TENM3: variants seen among roughly 807,000 people sequenced by gnomAD.
The protein encoded by TENM3 is teneurin-3.
In TENM3, 63 loss-of-function variants were observed where a neutral mutation model predicts 255.1. That is an observed-to-expected ratio of 0.25 (90% confidence interval 0.20 to 0.30). The LOEUF (loss-of-function observed/expected upper bound fraction) is 0.30. Among genes scored for constraint, TENM3 ranks in the 10% least tolerant of loss-of-function variants. The pLI is 1.00. For missense variants in TENM3, 2,929 were observed against 3,461.1 expected (o/e 0.85, Z 3.86); for synonymous variants, 1,306 against 1,322.3 (o/e 0.99, Z 0.27).
the TENM3 span, among the ~76,000 whole-genome samples, chr4:181,508,812 GC>G: frequency 6.7e-6 from 1 of 149,540 alleles, no homozygotes; most frequent in East Asian, 2.0e-4. Flanking sequence ...ATCCGTCACT[GC>G]TTGATGTTAA....
chr4:182,253,377 G>A (rs1758162647), intron 1 of TENM3, among the ~76,000 whole-genome samples: 1 of 152,204 alleles, frequency 6.6e-6, no homozygotes, highest in African/African-American at 2.4e-5. Flanking sequence ...GGAGGCTGAA[G>A]CAGGAGAATC....
intron 24 of TENM3, among the ~76,000 whole-genome samples, chr4:182,786,321 C>T (rs886338338): frequency 3.9e-5 from 6 of 152,048 alleles, no homozygotes; most frequent in South Asian, 4.2e-4. Flanking sequence ...CTTTGGGAAG[C>T]GGAGGCGGGT....
chr4:182,673,326 G>T, intron 7 of TENM3, 107 bp downstream of exon 7: 1 of 728,398 alleles, frequency 1.4e-6, no homozygotes, highest in East Asian at 2.7e-5. Flanking sequence ...GACGACTTTT[G>T]AATCGACTTT....
intron 12 of TENM3, among the ~76,000 whole-genome samples, chr4:182,704,280 G>T (rs538335506): frequency 2.6e-5 from 4 of 152,086 alleles, no homozygotes; most frequent in Non-Finnish European, 5.9e-5. Flanking sequence ...CACCACACAA[G>T]GCATCTCTTT....
the TENM3 span, among the ~76,000 whole-genome samples, chr4:181,890,738 C>A: frequency 1.3e-5 from 2 of 152,188 alleles, no homozygotes; most frequent in Non-Finnish European, 2.9e-5. Context: ...GGGCCCCAAC[C>A]ATTTGTATGG....
the TENM3 span, among the ~76,000 whole-genome samples, chr4:181,532,624 T>C: frequency 1.3e-5 from 2 of 152,196 alleles, no homozygotes; most frequent in Non-Finnish European, 2.9e-5. Flanking sequence ...TTGTATCAAG[T>C]CTTTCTGAGT....
At chr4:181,466,120 T>TTA in the TENM3 span, among the ~76,000 whole-genome samples, 4 of 57,004 alleles carry the variant, frequency 7.0e-5, no homozygotes, top group East Asian at 1.9e-3. Context: ...ATTTTTTTTT[T>TTA]TGTTTTGTTT....
intron 6 of TENM3, among the ~76,000 whole-genome samples, chr4:182,661,231 C>T (rs1395045977): frequency 3.2e-5 from 4 of 125,060 alleles, no homozygotes; most frequent in Non-Finnish European, 6.3e-5. Flanking sequence ...GACGGAGTCT[C>T]GCTCTGTCAC....
the TENM3 span, among the ~76,000 whole-genome samples, chr4:182,067,382 A>C: frequency 6.6e-6 from 1 of 152,152 alleles, no homozygotes; most frequent in Admixed American, 6.5e-5. Flanking sequence ...GTTTCTCCCC[A>C]AACCCCATCA....
chr4:182,343,300 G>A (rs112590109), intron 2 of TENM3, among the ~76,000 whole-genome samples: 41 of 152,140 alleles, frequency 2.7e-4, no homozygotes, highest in African/African-American at 9.2e-4. Context: ...AACTCTTGTT[G>A]GCTCTGCTGA....
chr4:181,608,153 G>A, the TENM3 span, among the ~76,000 whole-genome samples: 16,144 of 152,172 alleles, frequency 0.11, 930 homozygotes, highest in Middle Eastern at 0.13. Context: ...GTAAGTTTTA[G>A]CCTCTGTAAC....
At chr4:181,616,621 T>C in the TENM3 span, among the ~76,000 whole-genome samples, 1 of 152,182 alleles carries the variant, frequency 6.6e-6, no homozygotes, top group African/African-American at 2.4e-5. Context: ...ATAGGCCGTC[T>C]GCAAGCTGGA....
chr4:182,536,140 T>C (rs1045657119), intron 3 of TENM3, among the ~76,000 whole-genome samples: 14 of 152,356 alleles, frequency 9.2e-5, no homozygotes, highest in Middle Eastern at 3.4e-3. Flanking sequence ...TTGTTTCTGC[T>C]GTTAGTAGTA....
chr4:182,669,037 C>G (rs992620281), intron 6 of TENM3, among the ~76,000 whole-genome samples: 7 of 152,096 alleles, frequency 4.6e-5, no homozygotes, highest in African/African-American at 1.7e-4. Context: ...TAATGACAAT[C>G]AAGTATCATA....
chr4:181,641,797 A>G, the TENM3 span, among the ~76,000 whole-genome samples: 1 of 93,422 alleles, frequency 1.1e-5, no homozygotes, highest in Admixed American at 1.5e-4. Context: ...ATATATATAC[A>G]CACACACCAT....
chr4:181,827,599 G>T, the TENM3 span, among the ~76,000 whole-genome samples: 1 of 152,170 alleles, frequency 6.6e-6, no homozygotes, highest in African/African-American at 2.4e-5. Context: ...TGAAGCTCTT[G>T]CCTCCCTGAC....
chr4:181,762,240 G>A, the TENM3 span, among the ~76,000 whole-genome samples: 1 of 152,128 alleles, frequency 6.6e-6, no homozygotes, highest in African/African-American at 2.4e-5. Flanking sequence ...GTCCAGGTGG[G>A]TAGCAGTAGA....
intron 1 of TENM3, among the ~76,000 whole-genome samples, chr4:182,231,502 G>A (rs914571647): frequency 3.3e-5 from 5 of 152,204 alleles, no homozygotes; most frequent in South Asian, 2.1e-4. Flanking sequence ...CTCTGCCTCC[G>A]TGCCCATTTG....
intron 1 of TENM3, among the ~76,000 whole-genome samples, chr4:182,299,218 A>C (rs145037649): frequency 0.011 from 1,743 of 152,026 alleles, 20 homozygotes; most frequent in Non-Finnish European, 0.019. Context: ...CACTTTGTTG[A>C]AAAATGAAAA....
Sources: gnomAD v4.1 joint callset for allele counts (sites outside exome capture counted in the v4.1 genomes callset) on GRCh38, gnomAD v4.1.1 for gene constraint, MANE v1.5 for transcripts, NCBI Gene and HGNC (gene_info 2026-07-23, HGNC 2026-07-21) for gene names.